The following CFAP70 variants were observed in gnomAD, a reference collection of about 807,000 sequenced individuals.
CFAP70 encodes cilia and flagella associated protein 70, also known as cilia- and flagella-associated protein 70.
CFAP70 carries 81 observed loss-of-function variants against 137.6 expected under a neutral mutation model. The observed-to-expected ratio is 0.59, with a 90% confidence interval of 0.49 to 0.71. The LOEUF is 0.71. CFAP70 is among the 30% of genes least tolerant of loss of function. CFAP70 has a pLI of 0.00. For synonymous variants in CFAP70, 382 were observed against 423.6 expected (o/e 0.90, Z 1.20); for missense variants, 976 against 1,226.7 (o/e 0.80, Z 3.05).
At chr10:73,338,237 G>A (rs374122400) in intron 6 of CFAP70, among the ~76,000 whole-genome samples, 3 of 141,048 alleles carry the variant, frequency 2.1e-5, no homozygotes, top group Non-Finnish European at 4.5e-5. Context: ...CTCCGCCTCC[G>A]TGTCCCGGGT....
At chr10:73,341,498 T>C (rs756468564) in exon 6 of CFAP70, 6 of 1,614,230 alleles carry the variant, frequency 3.7e-6, no homozygotes, top group South Asian at 3.3e-5. Context: ...TGTTGGCAAT[T>C]GGCCACTTTT....
At chr10:73,286,958 T>G (rs2047764677) in intron 19 of CFAP70, among the ~76,000 whole-genome samples, 1 of 152,254 alleles carries the variant, frequency 6.6e-6, no homozygotes, top group Admixed American at 6.5e-5. Context: ...GTTTGTGGTT[T>G]AAGAACGCCT....
chr10:73,315,695 T>A (rs1265050941), intron 9 of CFAP70, among the ~76,000 whole-genome samples: 2 of 152,138 alleles, frequency 1.3e-5, no homozygotes, highest in Non-Finnish European at 2.9e-5. Context: ...TCCCAAGTGG[T>A]GGGACCACAG....
chr10:73,286,362 T>A (rs1279311286), intron 19 of CFAP70, among the ~76,000 whole-genome samples: 5 of 152,056 alleles, frequency 3.3e-5, no homozygotes. Context: ...GAGAATGGCG[T>A]GAACCCGGGA....
intron 3 of CFAP70, among the ~76,000 whole-genome samples, chr10:73,349,518 G>A (rs1359370198): frequency 2.0e-5 from 3 of 151,748 alleles, no homozygotes; most frequent in Non-Finnish European, 4.4e-5. Context: ...ATTACAGCCT[G>A]GGCGACAGAG....
At chr10:73,362,417 C>T (rs530354099), upstream of CFAP70, among the ~76,000 whole-genome samples, 24 of 152,230 alleles carry the variant, frequency 1.6e-4, no homozygotes, top group South Asian at 5.0e-3. Flanking sequence ...TATTCTAATC[C>T]ATGAACATAG....
chr10:73,343,785 C>A (rs551344162), intron 5 of CFAP70, among the ~76,000 whole-genome samples: 2 of 151,896 alleles, frequency 1.3e-5, no homozygotes, highest in East Asian at 1.9e-4. Context: ...AATAAAGGAG[C>A]CCTTTTCAAG....
intron 15 of CFAP70, chr10:73,296,797 T>A: frequency 3.4e-6 from 1 of 292,944 alleles, no homozygotes; most frequent in East Asian, 6.1e-5. Context: ...TTCCATCACA[T>A]TTTTTAAAGT....
chr10:73,343,889 A>G (rs948357020), intron 5 of CFAP70, among the ~76,000 whole-genome samples: 2 of 152,232 alleles, frequency 1.3e-5, no homozygotes, highest in Non-Finnish European at 2.9e-5. Flanking sequence ...AATAAATAAT[A>G]AACCAGAAAT....
intron 25 of CFAP70, among the ~76,000 whole-genome samples, chr10:73,260,700 A>G (rs949257357): frequency 3.9e-5 from 6 of 152,226 alleles, no homozygotes; most frequent in African/African-American, 1.4e-4. Context: ...TCAAATAAAT[A>G]GAATCAAATA....
chr10:73,331,174 T>C lies in CFAP70; in HGVS notation c.777+3A>G. 3 of 1,605,210 alleles carry C rather than the reference T, an allele frequency of 1.9e-6. No homozygotes were observed. The highest frequency in any genetic ancestry group is 1.3e-5 in the African/African-American group (1 of 74,888). On this transcript the variant is annotated splice_donor_region_variant and intron_variant, in intron 8 of 26. Transcript: ENST00000310715. ...ATAAATATTTTTGAGGGGGCATATT[T>C]ACCTTTTCAGTTTTGCCAGCTTTCC...
chr10:73,269,529 TA>T, intron 25 of CFAP70, 84 bp downstream of exon 26: 1 of 872,226 alleles, frequency 1.1e-6, no homozygotes. Context: ...TACCATGCAT[TA>T]ATGGCCATCT....
chr10:73,340,331 C>T (rs1038605708), intron 6 of CFAP70, among the ~76,000 whole-genome samples: 5 of 152,228 alleles, frequency 3.3e-5, no homozygotes, highest in Non-Finnish European at 7.3e-5. Context: ...GGCAGGTCAT[C>T]CCATCCTTTG....
rs189141365 is a variant in CFAP70, at chr10:73,308,745, C to G, written c.1256+1413G>C. 2.1e-5 allele frequency among the ~76,000 whole-genome samples: 3 copies of G among 141,016 alleles called. No individual in the cohort carries two copies. The East Asian group carries it at 6.2e-4, about 29-fold the overall frequency. The allele number at this position is 141,016 out of a possible 152,430, so 92.5% of individuals were successfully genotyped here. ...TTAAGAAAATAAGAATATTAAATAA[C>G]TGAAATAAGAAAATTTAAGCAACAC... On this transcript the variant is annotated intron_variant, in intron 12 of 26. Coordinates refer to ENST00000310715, the Ensembl canonical transcript of CFAP70.
chr10:73,301,176 T>C (rs11000591), intron 12 of CFAP70, among the ~76,000 whole-genome samples: 15,691 of 152,172 alleles, frequency 0.1, 1,163 homozygotes, highest in East Asian at 0.3. Flanking sequence ...CTGAGGGAAG[T>C]GAGGAAGCAA....
chr10:73,308,875 T>C (rs1225604512), intron 12 of CFAP70, among the ~76,000 whole-genome samples: 1 of 146,504 alleles, frequency 6.8e-6, no homozygotes, highest in African/African-American at 2.5e-5. Flanking sequence ...TGAAATGCAG[T>C]GAAAGCAGTG....
intron 12 of CFAP70, among the ~76,000 whole-genome samples, chr10:73,307,989 CA>C (rs371058579): frequency 0.014 from 1,108 of 80,042 alleles, 6 homozygotes; most frequent in African/African-American, 0.027. Flanking sequence ...TACTAAAATA[CA>C]AAAAAAAAAA....
At chr10:73,313,894 C>T (rs1238035751) in intron 9 of CFAP70, among the ~76,000 whole-genome samples, 1 of 151,962 alleles carries the variant, frequency 6.6e-6, no homozygotes, top group East Asian at 1.9e-4. Flanking sequence ...CACTTCTATA[C>T]AAGAAATAGT....
At chr10:73,270,957 T>G (rs752092154) in intron 24 of CFAP70, among the ~76,000 whole-genome samples, 19 of 152,188 alleles carry the variant, frequency 1.2e-4, no homozygotes, top group Non-Finnish European at 1.0e-4. Context: ...TGATTCATTA[T>G]TTAATCAACC....
Sources: allele counts gnomAD v4.1 joint callset (sites outside exome capture counted in the v4.1 genomes callset), GRCh38; gene constraint gnomAD v4.1.1; transcripts MANE v1.5; gene names NCBI Gene and HGNC (gene_info 2026-07-23, HGNC 2026-07-21).